Variants in LARGE1 observed in about 807,000 individuals in gnomAD.
The protein encoded by LARGE1 is LARGE xylosyl- and glucuronyltransferase 1, also known as xylosyl- and glucuronyltransferase LARGE1.
LARGE1 carries 43 observed loss-of-function variants against 87.6 expected under a neutral mutation model. The ratio of observed to expected loss-of-function variants is 0.49; its 90% CI spans 0.38 to 0.63. The LOEUF (loss-of-function observed/expected upper bound fraction) is 0.63, where lower values mean the gene tolerates loss of function less well. Ranked by LOEUF, LARGE1 falls within the 30% of genes least tolerant of loss-of-function variation. LARGE1 has a pLI of 0.00. For missense variants in LARGE1, 802 were observed against 1,000.2 expected (o/e 0.80, Z 2.67); for synonymous variants, 434 against 394.6 (o/e 1.10, Z -1.18).
intron 1 of LARGE1, among the ~76,000 whole-genome samples, chr22:33,762,617 G>T (rs1466141925): frequency 6.6e-6 from 1 of 152,164 alleles, no homozygotes; most frequent in Non-Finnish European, 1.5e-5. Flanking sequence ...ATCAAAACAT[G>T]CAGAGAAGGG....
intron 6 of LARGE1, among the ~76,000 whole-genome samples, chr22:33,517,565 G>A (rs1464486022): frequency 1.3e-5 from 2 of 151,956 alleles, no homozygotes; most frequent in Non-Finnish European, 2.9e-5. Flanking sequence ...CACCCGCCCG[G>A]CTAATTTTGT....
intron 7 of LARGE1, among the ~76,000 whole-genome samples, chr22:33,415,499 C>G (rs1486721620): frequency 6.6e-6 from 1 of 152,186 alleles, no homozygotes; most frequent in African/African-American, 2.4e-5. Context: ...TAGAGCAACT[C>G]TTCTAGAACA....
the LARGE1 span, among the ~76,000 whole-genome samples, chr22:33,103,046 G>A: frequency 3.3e-3 from 497 of 152,024 alleles, 3 homozygotes; most frequent in Admixed American, 4.6e-3. Flanking sequence ...CCGCCCCGCC[G>A]GTGTAGATGC....
At chr22:33,709,327 G>A (rs1389463781) in intron 2 of LARGE1, among the ~76,000 whole-genome samples, 2 of 152,122 alleles carry the variant, frequency 1.3e-5, no homozygotes, top group Non-Finnish European at 2.9e-5. Flanking sequence ...CTAGACCTGT[G>A]AGGTTGCTGG....
rs191613844 is a variant in LARGE1, at chr22:33,246,176, T to A, written c.1730+58053A>T. 1.6e-4 allele frequency among the ~76,000 whole-genome samples: 24 copies of A among 152,266 alleles called. 1 individual carries two copies. The East Asian group carries it at 3.5e-3, about 22-fold the overall frequency. ...CCAAATAATGCTTTTTAGGGTGATA[T>A]GAGAATTTTATGTTCAAGTGTAGAA... is the stretch of plus-strand genomic sequence containing the variant. On this transcript the variant is annotated intron_variant, in intron 11 of 11. Transcript: ENST00000608642.
intron 11 of LARGE1, among the ~76,000 whole-genome samples, chr22:33,311,723 T>C (rs1935617407): frequency 6.6e-6 from 1 of 152,210 alleles, no homozygotes; most frequent in African/African-American, 2.4e-5. Flanking sequence ...TTACCTCTCC[T>C]AAATAACTAT....
intron 1 of LARGE1, among the ~76,000 whole-genome samples, chr22:33,778,345 C>T (rs1380315478): frequency 1.3e-5 from 2 of 152,184 alleles, no homozygotes; most frequent in Non-Finnish European, 1.5e-5. Context: ...GCAAAATACA[C>T]ATAACATAAC....
chr22:33,501,536 C>CT (rs1481972362), intron 6 of LARGE1, among the ~76,000 whole-genome samples: 1 of 152,182 alleles, frequency 6.6e-6, no homozygotes. Flanking sequence ...AAACTGCCCA[C>CT]TGGCAGCCCT....
chr22:33,838,956 T>C (rs2063189720), intron 1 of LARGE1, among the ~76,000 whole-genome samples: 1 of 152,198 alleles, frequency 6.6e-6, no homozygotes, highest in South Asian at 2.1e-4. Flanking sequence ...AATGTAGAAT[T>C]TCTGATAGAA....
At chr22:33,533,172 T>G (rs1030504083) in intron 6 of LARGE1, among the ~76,000 whole-genome samples, 3 of 152,152 alleles carry the variant, frequency 2.0e-5, no homozygotes, top group African/African-American at 7.2e-5. Flanking sequence ...GTACCAGTCT[T>G]CCGGGAGCTA....
chr22:33,479,497 A>C (rs1364385231), intron 6 of LARGE1, among the ~76,000 whole-genome samples: 1 of 152,224 alleles, frequency 6.6e-6, no homozygotes, highest in Non-Finnish European at 1.5e-5. Context: ...TTATTTCTAC[A>C]GTCAACAGGA....
chr22:33,796,160 G>A (rs1427716043), intron 1 of LARGE1, among the ~76,000 whole-genome samples: 3 of 152,078 alleles, frequency 2.0e-5, no homozygotes, highest in African/African-American at 7.2e-5. Flanking sequence ...CAGGAGTTCT[G>A]AAGTTTAAAT....
intron 1 of LARGE1, among the ~76,000 whole-genome samples, chr22:33,845,742 A>G (rs968782859): frequency 1.3e-5 from 2 of 152,134 alleles, no homozygotes; most frequent in Non-Finnish European, 2.9e-5. Context: ...CTATGACCCA[A>G]TATCAGTAAT....
At chr22:33,201,354 AAG>A (rs201670195) in intron 11 of LARGE1, among the ~76,000 whole-genome samples, 19 of 150,204 alleles carry the variant, frequency 1.3e-4, no homozygotes, top group African/African-American at 4.4e-4. Flanking sequence ...AAGAGAGAGA[AAG>A]AGAGAGAGAG....
At chr22:33,643,432 C>A (rs542422688) in intron 3 of LARGE1, among the ~76,000 whole-genome samples, 2 of 152,258 alleles carry the variant, frequency 1.3e-5, no homozygotes, top group African/African-American at 4.8e-5. Flanking sequence ...TAAATGCCCA[C>A]AACAGAAAGC....
chr22:33,766,685 A>C (rs1422445035), intron 1 of LARGE1, among the ~76,000 whole-genome samples: 1 of 151,718 alleles, frequency 6.6e-6, no homozygotes, highest in Non-Finnish European at 1.5e-5. Flanking sequence ...TCGGCCTCCC[A>C]AAGTGCTGGG....
intron 1 of LARGE1, among the ~76,000 whole-genome samples, chr22:33,844,013 A>T (rs1172804449): frequency 1.3e-5 from 2 of 149,286 alleles, no homozygotes; most frequent in Non-Finnish European, 3.0e-5. Flanking sequence ...CGGGAGGCGG[A>T]GGTTGCAGTG....
chr22:33,511,712 T>C (rs1234441510), intron 6 of LARGE1, among the ~76,000 whole-genome samples: 1 of 152,204 alleles, frequency 6.6e-6, no homozygotes, highest in Non-Finnish European at 1.5e-5. Flanking sequence ...GTGAACTGCG[T>C]CTCTGGCAAG....
intron 11 of LARGE1, among the ~76,000 whole-genome samples, chr22:33,212,835 G>A (rs748477002): frequency 1.8e-4 from 28 of 152,104 alleles, no homozygotes; most frequent in Non-Finnish European, 3.2e-4. Context: ...GGTTAACACG[G>A]TGAAACCCCG....
Sources: allele counts gnomAD v4.1 joint callset (sites outside exome capture counted in the v4.1 genomes callset), GRCh38; gene constraint gnomAD v4.1.1; transcripts MANE v1.5; gene names NCBI Gene and HGNC (gene_info 2026-07-23, HGNC 2026-07-21).